FBXL5: variants seen among roughly 807,000 people sequenced by gnomAD.
The protein encoded by FBXL5 is F-box/LRR-repeat protein 5.
In FBXL5, 26 loss-of-function variants were observed where a neutral mutation model predicts 78.3. That is an observed-to-expected ratio of 0.33 (90% confidence interval 0.24 to 0.46). The LOEUF (loss-of-function observed/expected upper bound fraction) is 0.46. Among genes scored for constraint, FBXL5 ranks in the 20% least tolerant of loss-of-function variants. The probability of loss-of-function intolerance (pLI) is 1.00; values close to 1 mark genes in which losing one functional copy is unlikely to be tolerated. For missense variants in FBXL5, 710 were observed against 829.2 expected (o/e 0.86, Z 1.77); for synonymous variants, 295 against 282.5 (o/e 1.04, Z -0.45).
intron 2 of FBXL5, among the ~76,000 whole-genome samples, chr4:15,641,150 A>G (rs1013402957): frequency 1.7e-4 from 26 of 152,166 alleles, no homozygotes; most frequent in African/African-American, 6.3e-4. Flanking sequence ...ATTGATGTAT[A>G]TATAAATTAT....
At position 15,640,770 on chromosome 4, in the gene FBXL5, AAG is replaced by A. The variant is rs767462410; in HGVS notation, c.396+16_396+17del. ...AGAATGTTATAAATCTAAATCACGAAAGAAAAATTATGCTTACCTCCTCTTCC... is the reference window on the plus strand; with the variant it reads ...AGAATGTTATAAATCTAAATCACGAAAAAAATTATGCTTACCTCCTCTTCC... On this transcript the variant is annotated intron_variant, in intron 3 of 10. Transcript: ENST00000341285. The A allele has an allele frequency of 3.6e-6, 5 of 1,379,742 alleles. No individual in the cohort carries two copies. 85.5% of individuals were successfully genotyped at this position (1,379,742 alleles called of 1,614,324 possible). A position where few individuals can be genotyped will look rare whatever the true frequency, so the allele number is the denominator to read the frequency against.
chr4:15,670,639 C>A (rs1016581856), intron 1 of FBXL5, among the ~76,000 whole-genome samples: 2 of 151,920 alleles, frequency 1.3e-5, no homozygotes, highest in Non-Finnish European at 2.9e-5. Flanking sequence ...CTGGGCCCCT[C>A]CCCCCACAAA....
rs752135330 is a variant in FBXL5, at chr4:15,612,336, G to C, written c.1929C>G (p.Gly643=). 6.2e-7 allele frequency: 1 copy of C among 1,612,622 alleles called. No individual in the cohort carries two copies. Among genetic ancestry groups the C allele is most frequent in the Non-Finnish European group, 8.5e-7 (1 of 1,179,276 alleles). ...LSGCLTITGA[G]LQDLVSACPS... The stretch of plus-strand genomic sequence containing the variant: ...GACATGCTGAAACCAAATCCTGCAG[G>C]CCTGCACCAGTTATAGTAAGACAAC... The change falls in exon 10 of 11, where the codon GGC becomes GGG. Residue 643 remains glycine (G), a synonymous_variant. Transcript: ENST00000341285.
At chr4:15,621,578 G>A (rs192463735) in intron 9 of FBXL5, among the ~76,000 whole-genome samples, 1 of 152,302 alleles carries the variant, frequency 6.6e-6, no homozygotes, top group African/African-American at 2.4e-5. Context: ...TACATGCTAC[G>A]ATGTGAATAA....
intron 1 of FBXL5, among the ~76,000 whole-genome samples, chr4:15,649,855 T>C (rs1288557634): frequency 6.6e-6 from 1 of 151,364 alleles, no homozygotes; most frequent in African/African-American, 2.4e-5. Context: ...ACAAACAGAG[T>C]CTCAGGAAGA....
intron 1 of FBXL5, among the ~76,000 whole-genome samples, chr4:15,650,196 G>GC (rs1259394940): frequency 6.6e-6 from 1 of 152,100 alleles, no homozygotes; most frequent in Non-Finnish European, 1.5e-5. Context: ...GCACAGGACA[G>GC]CCCCCATAAA....
At chr4:15,651,884 T>C (rs1251608222) in intron 1 of FBXL5, among the ~76,000 whole-genome samples, 1 of 152,154 alleles carries the variant, frequency 6.6e-6, no homozygotes, top group African/African-American at 2.4e-5. Flanking sequence ...CCTACTCTTC[T>C]CTCAGAAATC....
chr4:15,642,962 A>T (rs1322342524), intron 2 of FBXL5, among the ~76,000 whole-genome samples: 1 of 151,966 alleles, frequency 6.6e-6, no homozygotes, highest in Non-Finnish European at 1.5e-5. Flanking sequence ...CATTCTATCA[A>T]TTTTATTTCC....
intron 1 of FBXL5, among the ~76,000 whole-genome samples, chr4:15,648,727 A>G (rs1357050195): frequency 6.6e-6 from 1 of 152,168 alleles, no homozygotes; most frequent in Non-Finnish European, 1.5e-5. Context: ...GAAAATGGGG[A>G]GATGCTGAAA....
At position 15,625,471 on chromosome 4, in the gene FBXL5, G is replaced by T. The variant is rs750021246; in HGVS notation, c.1631C>A (p.Ala544Glu). ...WQQHCASPAF[A>E]YCGHSFCCTG... is the part of the protein sequence containing the mutation. ...ACAACAAAATGAGTGACCACAATAC[G>T]CAAAGGCTGGAGAAGCACAATGCTG... is the stretch of plus-strand genomic sequence containing the variant. Residue 544 changes from alanine (A) to glutamate (E), a missense_variant, in exon 9 of 11, where the codon GCG becomes GAG. Physicochemically the swap from Ala to Glu is moderately radical, Grantham distance 107. Around this residue, in one of 4 missense-constraint regions of FBXL5, gnomAD observed 517 missense variants for 542.9 expected, o/e 0.95. Transcript: ENST00000341285. The T allele has an allele frequency of 5.0e-6, 8 of 1,613,758 alleles. No homozygotes were observed. The highest frequency in any genetic ancestry group is 2.2e-5 in the East Asian group (1 of 44,870).
intron 1 of FBXL5, among the ~76,000 whole-genome samples, chr4:15,671,282 C>T (rs1419252028): frequency 6.6e-6 from 1 of 152,026 alleles, no homozygotes; most frequent in Admixed American, 6.6e-5. Context: ...AAATATGTTG[C>T]TCTACTGGCT....
chr4:15,634,458 C>T lies in FBXL5; in HGVS notation c.766+2036G>A, dbSNP rs190760309. On this transcript the variant is annotated intron_variant, in intron 5 of 10. Transcript: ENST00000341285. ...TCAGCTCACTGCCACCTCTGCCTCCCGGGTTCAAGCAATTCTCCCTGCCTC... is the reference window on the plus strand; with the variant it reads ...TCAGCTCACTGCCACCTCTGCCTCCTGGGTTCAAGCAATTCTCCCTGCCTC... Among the ~76,000 whole-genome samples, 9 of 152,176 alleles carry T rather than the reference C, an allele frequency of 5.9e-5. No individual in the cohort carries two copies. The East Asian group carries it at 7.7e-4, about 13-fold the overall frequency.
intron 5 of FBXL5, among the ~76,000 whole-genome samples, chr4:15,635,270 T>A (rs1220284151): frequency 1.3e-5 from 2 of 150,508 alleles, no homozygotes; most frequent in African/African-American, 4.9e-5. Context: ...GAGGTGGAGG[T>A]TGCAGTGATC....
upstream of FBXL5, among the ~76,000 whole-genome samples, chr4:15,663,210 A>G (rs1173083329): frequency 1.3e-5 from 2 of 152,226 alleles, no homozygotes; most frequent in Admixed American, 1.3e-4. Context: ...AGATAGGGGT[A>G]ATATTATACA....
At position 15,645,212 on chromosome 4, in the gene FBXL5, G is replaced by A. The variant is rs1025962521; in HGVS notation, c.85-504C>T. On this transcript the variant is annotated intron_variant, in intron 1 of 10. Transcript: ENST00000341285. ...CTTATTGCCTATTATCAGCAGGAAT[G>A]ACGGTCTGATGACAGAGCATCAAAA... Among the ~76,000 whole-genome samples, 4 of 152,066 alleles carry A rather than the reference G, an allele frequency of 2.6e-5. No individual in the cohort carries two copies. The South Asian group carries it at 8.3e-4, about 32-fold the overall frequency.
chr4:15,634,290 TC>T (rs1324748244), intron 5 of FBXL5, among the ~76,000 whole-genome samples: 2 of 152,128 alleles, frequency 1.3e-5, no homozygotes, highest in Admixed American at 6.5e-5. Flanking sequence ...GCTCAAATGA[TC>T]CTCCCTCCCA....
upstream of FBXL5, among the ~76,000 whole-genome samples, chr4:15,656,939 T>C (rs1717006304): frequency 6.7e-6 from 1 of 150,086 alleles, no homozygotes; most frequent in African/African-American, 2.4e-5. Context: ...TAAATCTGGA[T>C]CTGACAGTAC....
chr4:15,631,084 C>G (rs910258042), intron 5 of FBXL5, among the ~76,000 whole-genome samples: 12 of 152,114 alleles, frequency 7.9e-5, no homozygotes, highest in African/African-American at 2.9e-4. Flanking sequence ...ACCCCCACCA[C>G]AGGACCTAGT....
intron 10 of FBXL5, among the ~76,000 whole-genome samples, chr4:15,608,484 G>C (rs1722031113): frequency 6.6e-6 from 1 of 151,466 alleles, no homozygotes; most frequent in South Asian, 2.1e-4. Flanking sequence ...CCCTGTATTA[G>C]GTAAAAAGCA....
Sources: allele counts gnomAD v4.1 joint callset (sites outside exome capture counted in the v4.1 genomes callset), GRCh38; gene constraint gnomAD v4.1.1; regional missense constraint gnomAD v4.1.1; transcripts MANE v1.5; gene names NCBI Gene and HGNC (gene_info 2026-07-23, HGNC 2026-07-21).